Variants in TTC33 observed in about 807,000 individuals in gnomAD.
The protein encoded by TTC33 is tetratricopeptide repeat domain 33.
Under a neutral mutation model 29.4 loss-of-function variants are expected in TTC33, and 24 were observed. The ratio of observed to expected loss-of-function variants is 0.82; its 90% CI spans 0.59 to 1.15. The LOEUF (loss-of-function observed/expected upper bound fraction) is 1.15. TTC33 is among the 50% of genes most tolerant of loss of function. TTC33 has a pLI of 0.00. For missense variants in TTC33, 286 were observed against 310.4 expected (o/e 0.92, Z 0.59); for synonymous variants, 107 against 100.3 (o/e 1.07, Z -0.40).
At chr5:40,754,902 A>G (rs1222661413) in intron 1 of TTC33, among the ~76,000 whole-genome samples, 1 of 152,226 alleles carries the variant, frequency 6.6e-6, no homozygotes, top group Non-Finnish European at 1.5e-5. Flanking sequence ...CTATCTGAAC[A>G]TGAAATTAAA....
At chr5:40,747,119 C>T in intron 1 of TTC33, 100 bp from the exon 2 acceptor site, 2 of 1,055,058 alleles carry the variant, frequency 1.9e-6, no homozygotes, top group Non-Finnish European at 1.4e-6. Context: ...AGTACGATGG[C>T]ACGACCTCGG....
In TTC33 at chr5:40,718,077, T is replaced by C. The variant is rs114987624; in HGVS notation, c.436-1579A>G. Among the ~76,000 whole-genome samples, 439 of 149,150 alleles carry C rather than the reference T, an allele frequency of 2.9e-3. 4 individuals carry two copies. Among genetic ancestry groups the C allele is most frequent in the African/African-American group, 0.01 (413 of 40,588 alleles). On this transcript the variant is annotated intron_variant, in intron 4 of 4. Coordinates refer to ENST00000337702, the MANE Select transcript of TTC33 (RefSeq NM_012382.3). The stretch of plus-strand genomic sequence containing the variant: ...AACTCCGTCTCAAAAAAAAAAAAGA[T>C]TGCACATAATCTACAGATTTACAAT...
rs1214806050 is a variant in TTC33, at chr5:40,730,207, C to T, written c.303+55G>A. On this transcript the variant is annotated intron_variant, in intron 3 of 4. Coordinates refer to ENST00000337702, the MANE Select transcript of TTC33 (RefSeq NM_012382.3). The stretch of plus-strand genomic sequence containing the variant: ...ATTTTGCTTCATCATTGCTCACTCA[C>T]CGAACAAACATAGCACAATTTCATA... 42 of 1,388,538 alleles carry T rather than the reference C, an allele frequency of 3.0e-5. 1 individual carries two copies. The Middle Eastern group carries it at 5.5e-4, about 18-fold the overall frequency. 86.0% of individuals were successfully genotyped at this position (1,388,538 alleles called of 1,614,324 possible).
chr5:40,746,980 C>G lies in TTC33; in HGVS notation c.39G>C (p.Lys13Asn), dbSNP rs778631342. The change falls in exon 2 of 5, where the codon AAG becomes AAC. Residue 13 changes from lysine (K) to asparagine (N), a missense_variant. Transcript: ENST00000337702. The stretch of plus-strand genomic sequence containing the variant: ...ACTGCTGGGAAGTGACCTTTGAGAC[C>G]TTCTCACCAATTTTCCTCTTCCACC... ...SFGWKRKIGE[K>N]VSKVTSQQFE... 6.8e-6 allele frequency: 11 copies of G among 1,613,944 alleles called. No individual in the cohort carries two copies. The highest frequency in any genetic ancestry group is 8.5e-6 in the Non-Finnish European group (10 of 1,180,004).
At chr5:40,744,378 C>T (rs1742752814) in intron 2 of TTC33, among the ~76,000 whole-genome samples, 1 of 151,828 alleles carries the variant, frequency 6.6e-6, no homozygotes, top group Non-Finnish European at 1.5e-5. Context: ...TAAAAGATTA[C>T]ACCAGAATCA....
At chr5:40,743,730 C>T (rs567122325) in intron 2 of TTC33, among the ~76,000 whole-genome samples, 116 of 152,124 alleles carry the variant, frequency 7.6e-4, no homozygotes, top group African/African-American at 2.5e-3. Context: ...GCCAAGATCG[C>T]GCCACTGCAC....
intron 4 of TTC33, among the ~76,000 whole-genome samples, chr5:40,720,507 G>T (rs1561143212): frequency 6.6e-6 from 1 of 152,130 alleles, no homozygotes; most frequent in Non-Finnish European, 1.5e-5. Context: ...CCAAAGAGCT[G>T]CAATTACATT....
intron 4 of TTC33, among the ~76,000 whole-genome samples, chr5:40,725,552 A>G (rs181054162): frequency 2.0e-5 from 3 of 152,330 alleles, no homozygotes; most frequent in Admixed American, 2.0e-4. Flanking sequence ...AATGAATTAC[A>G]CAGAGCCCGA....
rs374141536 is a variant in TTC33, at chr5:40,730,358, G to A, written c.222-15C>T. ...CCTCCCGATATCTGTGGTTGTTAAA[G>A]TTATATCAATGCCATATTTTCAATA... On this transcript the variant is annotated splice_polypyrimidine_tract_variant and intron_variant, in intron 2 of 4. Coordinates refer to ENST00000337702, the MANE Select transcript of TTC33 (RefSeq NM_012382.3). 1.1e-5 allele frequency: 18 copies of A among 1,601,372 alleles called. No individual in the cohort carries two copies. The highest frequency in any genetic ancestry group is 1.5e-5 in the Non-Finnish European group (18 of 1,172,454).
At chr5:40,730,163 G>C in intron 3 of TTC33, 99 bp downstream of exon 3, 1 of 876,998 alleles carries the variant, frequency 1.1e-6, no homozygotes, top group Non-Finnish European at 1.8e-6. Context: ...ATTTGTAAAA[G>C]AAAATGGGAG....
chr5:40,746,686 G>C, intron 2 of TTC33, 112 bp downstream of exon 2: 1 of 823,912 alleles, frequency 1.2e-6, no homozygotes, highest in East Asian at 2.8e-5. Context: ...TTAGCACCTA[G>C]AATAGATTTT....
At chr5:40,745,459 AAGAC>A (rs1470090468) in intron 2 of TTC33, among the ~76,000 whole-genome samples, 2 of 152,048 alleles carry the variant, frequency 1.3e-5, no homozygotes, top group African/African-American at 4.8e-5. Flanking sequence ...CATGTGTAGA[AAGAC>A]AGGGATAAAG....
intron 4 of TTC33, among the ~76,000 whole-genome samples, chr5:40,724,373 G>A (rs576851928): frequency 6.6e-6 from 1 of 152,070 alleles, no homozygotes; most frequent in Non-Finnish European, 1.5e-5. Flanking sequence ...AGTGGCTCAC[G>A]CCTGTAATCC....
chr5:40,746,937 C>A lies in TTC33; in HGVS notation c.82G>T (p.Asp28Tyr), dbSNP rs752808372. The change falls in exon 2 of 5, where the codon GAT (aspartate) becomes TAT (tyrosine). Residue 28 changes from aspartate (D) to tyrosine (Y), a missense_variant. Physicochemically the swap from Asp to Tyr is radical, Grantham distance 160. Coordinates refer to ENST00000337702, the MANE Select transcript of TTC33 (RefSeq NM_012382.3). ...TCGTTGTCAACTACATCCTTCTCAT[C>A]AGCAGCTTCAGCTTCAAACTGCTGG... Reference protein sequence around the residue: ...TSQQFEAEAADEKDVVDNDEG... With the variant: ...TSQQFEAEAAYEKDVVDNDEG... 6.2e-7 allele frequency: 1 copy of A among 1,614,244 alleles called. No homozygotes were observed. The highest frequency in any genetic ancestry group is 8.5e-7 in the Non-Finnish European group (1 of 1,180,044).
chr5:40,716,643 T>C, intron 4 of TTC33, 145 bp from the exon 5 acceptor site: 2 of 601,750 alleles, frequency 3.3e-6, no homozygotes, highest in Admixed American at 6.7e-5. Flanking sequence ...AGATGGAAGC[T>C]ACGGTGTTGC....
At chr5:40,752,459 T>C (rs547560460) in intron 1 of TTC33, among the ~76,000 whole-genome samples, 1 of 152,348 alleles carries the variant, frequency 6.6e-6, no homozygotes, top group South Asian at 2.1e-4. Context: ...ATGAGAGATG[T>C]GTAACTCTTC....
rs568730980 is a variant in TTC33, at chr5:40,717,912, A to T, written c.436-1414T>A. On this transcript the variant is annotated intron_variant, in intron 4 of 4. Transcript: ENST00000337702. ...CCCGTCTCTACTAAAAATACAAAAAATTAGCCAGGTGTGGTGGTGCACGCC... is the reference window on the plus strand; with the variant it reads ...CCCGTCTCTACTAAAAATACAAAAATTTAGCCAGGTGTGGTGGTGCACGCC... 7.2e-5 allele frequency among the ~76,000 whole-genome samples: 11 copies of T among 152,208 alleles called. No individual in the cohort carries two copies. In the South Asian group the frequency reaches 2.1e-3, roughly 29 times the overall value.
chr5:40,726,001 G>A (rs1249069079), intron 4 of TTC33, among the ~76,000 whole-genome samples: 2 of 151,538 alleles, frequency 1.3e-5, no homozygotes, highest in East Asian at 1.9e-4. Flanking sequence ...TAGCCAGGAT[G>A]GTCTCAATCT....
At chr5:40,719,104 C>T (rs1742071479) in intron 4 of TTC33, among the ~76,000 whole-genome samples, 1 of 152,070 alleles carries the variant, frequency 6.6e-6, no homozygotes, top group South Asian at 2.1e-4. Context: ...AAAGCTCACC[C>T]ATTTAAAACA....
Sources: allele counts gnomAD v4.1 joint callset (sites outside exome capture counted in the v4.1 genomes callset), GRCh38; gene constraint gnomAD v4.1.1; transcripts MANE v1.5; gene names NCBI Gene and HGNC (gene_info 2026-07-23, HGNC 2026-07-21).